The following HUWE1 variants were observed in gnomAD, a reference collection of about 807,000 sequenced individuals.
HUWE1 encodes E3 ubiquitin-protein ligase HUWE1.
HUWE1 carries 18 observed loss-of-function variants against 299.4 expected under a neutral mutation model. The observed-to-expected ratio is 0.06, with a 90% confidence interval of 0.04 to 0.09. HUWE1 has a LOEUF of 0.09. Ranked by LOEUF, HUWE1 falls within the 10% of genes least tolerant of loss-of-function variation. The pLI, the probability that HUWE1 is intolerant of heterozygous loss-of-function variation, is 1.00. For missense variants in HUWE1, 1,832 were observed against 3,462.3 expected (o/e 0.53, Z 11.82); for synonymous variants, 1,317 against 1,286.1 (o/e 1.02, Z -0.51).
rs2062461367 is a variant in HUWE1, at chrX:53,565,076, G to C, written c.6871C>G (p.Gln2291Glu). 8.3e-7 allele frequency: 1 copy of C among 1,210,959 alleles called. No individual in the cohort carries two copies. The highest frequency in any genetic ancestry group is 1.1e-6 in the Non-Finnish European group (1 of 894,743). Reference protein sequence around the residue: ...GASQDSSSNQQDPGEPGEAEV... With the variant: ...GASQDSSSNQEDPGEPGEAEV... ...GGCTCTGATTCCCTACCTGGGTCCT[G>C]CTGGTTGCTACTGGAATCTTGAGAG... Residue 2291 changes from glutamine (Q) to glutamate (E), a missense_variant, in exon 50 of 84, where the codon CAG becomes GAG. Physicochemically the swap from Gln to Glu is conservative, Grantham distance 29. Transcript: ENST00000262854.
intron 7 of HUWE1, among the ~76,000 whole-genome samples, chrX:53,638,921 T>G (rs1271112153): frequency 8.9e-6 from 1 of 111,820 alleles, no homozygotes; most frequent in African/African-American, 3.2e-5. Context: ...TTAGCCCACA[T>G]CACTGGGTTG....
At position 53,685,411 on chromosome X, in the gene HUWE1, G is replaced by T. The variant is rs187695153; in HGVS notation, c.-163+859C>A. On this transcript the variant is annotated intron_variant, in intron 2 of 83. Coordinates refer to ENST00000262854, the MANE Select transcript of HUWE1 (RefSeq NM_031407.7). Reference sequence around the variant, plus strand: ...ATGCAGATGTTCTTTTATGGTATTCGTCAATAAAGTTTTATAGTTTACTTC... The same window carrying T: ...ATGCAGATGTTCTTTTATGGTATTCTTCAATAAAGTTTTATAGTTTACTTC... Among the ~76,000 whole-genome samples the T allele has an allele frequency of 3.2e-4, 36 of 111,697 alleles. No individual in the cohort carries two copies. The East Asian group carries it at 9.5e-3, about 29-fold the overall frequency.
chrX:53,627,413 C>G lies in HUWE1; in HGVS notation c.1486G>C (p.Asp496His). ...TGACTTAATAACTGTTAATTACCAT[C>G]CATATCAGTTTCCATTTCCTCTCCT... ...QEGEEMETDM[D>H]GVQCIPQRAA... Residue 496 changes from aspartate to histidine, a missense_variant, in exon 17 of 84, where the codon GAT (aspartate) becomes CAT (histidine). Physicochemically the swap from Asp to His is moderately conservative, Grantham distance 81 (BLOSUM62 -1). Coordinates refer to ENST00000262854, the MANE Select transcript of HUWE1 (RefSeq NM_031407.7). 1 of 1,095,070 alleles carries G rather than the reference C, an allele frequency of 9.1e-7. No individual in the cohort carries two copies. The highest frequency in any genetic ancestry group is 1.3e-6 in the Non-Finnish European group (1 of 789,898). 90.2% of individuals were successfully genotyped at this position (1,095,070 alleles called of 1,213,427 possible). A position where few individuals can be genotyped will look rare whatever the true frequency, so the allele number is the denominator to read the frequency against.
At chrX:53,627,353 G>A in intron 17 of HUWE1, 57 bp downstream of exon 17, 1 of 694,012 alleles carries the variant, frequency 1.4e-6, no homozygotes, top group Non-Finnish European at 2.3e-6. Flanking sequence ...TGAAAACTGG[G>A]GTGGGATGAC....
At chrX:53,642,541 A>G (rs368997811) in intron 7 of HUWE1, among the ~76,000 whole-genome samples, 101 of 111,929 alleles carry the variant, frequency 9.0e-4, no homozygotes, top group Non-Finnish European at 1.5e-3. Flanking sequence ...TCTGACAGAG[A>G]TCACGTTTAT....
intron 17 of HUWE1, chrX:53,626,143 G>A (rs1267633082): frequency 6.6e-6 from 2 of 303,233 alleles, no homozygotes; most frequent in Non-Finnish European, 1.2e-5. Context: ...ATATAAAAAT[G>A]AAGATCAGGA....
chrX:53,629,063 T>G (rs1331056447), intron 13 of HUWE1, among the ~76,000 whole-genome samples, 161 bp from the exon 14 acceptor site: 1 of 111,580 alleles, frequency 9.0e-6, no homozygotes, highest in African/African-American at 3.3e-5. Context: ...ATCTAGTATT[T>G]GTTAGTTTTG....
chrX:53,674,710 C>T (rs1183535359), intron 3 of HUWE1, among the ~76,000 whole-genome samples: 1 of 111,836 alleles, frequency 8.9e-6, no homozygotes, highest in Non-Finnish European at 1.9e-5. Context: ...TATTACCATA[C>T]TGACCCTTTT....
In HUWE1 at chrX:53,549,130, T is replaced by C. The variant is rs1556926120; in HGVS notation, c.9864A>G (p.Val3288=). 4 of 1,210,544 alleles carry C rather than the reference T, an allele frequency of 3.3e-6. No homozygotes were observed. Among genetic ancestry groups the C allele is most frequent in the East Asian group, 3.0e-5 (1 of 33,794 alleles). The change falls in exon 67 of 84, where the codon GTA becomes GTG. Residue 3288 remains valine (V), a synonymous_variant. Coordinates refer to ENST00000262854, the MANE Select transcript of HUWE1 (RefSeq NM_031407.7). The part of the protein sequence containing the change: ...KSSNQLSWLS[V]SMDAALGCRT... ...TGCAGCCTAGGGCTGCATCCATGGA[T>C]ACTGAGAGCCAGGAAAGCTGGTTGG...
intron 3 of HUWE1, among the ~76,000 whole-genome samples, chrX:53,654,702 T>C (rs2068665158): frequency 8.9e-6 from 1 of 112,389 alleles, no homozygotes; most frequent in South Asian, 3.6e-4. Flanking sequence ...TTGCAAACTA[T>C]GTAATACACA....
At chrX:53,597,877 C>T (rs1399607777) in intron 29 of HUWE1, among the ~76,000 whole-genome samples, 1 of 109,187 alleles carries the variant, frequency 9.2e-6, no homozygotes, top group Non-Finnish European at 1.9e-5. Flanking sequence ...AGGATTACAC[C>T]ACTGAAGATG....
chrX:53,540,382 G>A (rs937458022), intron 74 of HUWE1, among the ~76,000 whole-genome samples: 1 of 109,043 alleles, frequency 9.2e-6, no homozygotes, highest in Non-Finnish European at 1.9e-5. Flanking sequence ...AGGCTGCAGT[G>A]CAGTGGTGCG....
In HUWE1 at chrX:53,540,871, C is replaced by A. The variant is rs782007037; in HGVS notation, c.11477-1059G>T. Among the ~76,000 whole-genome samples the A allele has an allele frequency of 2.7e-5, 3 of 111,880 alleles. No individual in the cohort carries two copies. The South Asian group carries it at 1.1e-3, about 43-fold the overall frequency. The stretch of plus-strand genomic sequence containing the variant: ...GGCCCTGCTTAGGTTTCTTCCTGAC[C>A]TTTGCTGTTCATCCTTTACCCAAAT... On this transcript the variant is annotated intron_variant, in intron 74 of 83. Coordinates refer to ENST00000262854, the MANE Select transcript of HUWE1 (RefSeq NM_031407.7).
chrX:53,630,379 T>C (rs1032809434), intron 12 of HUWE1, among the ~76,000 whole-genome samples: 5 of 111,861 alleles, frequency 4.5e-5, no homozygotes, highest in Non-Finnish European at 9.4e-5. Context: ...TCATTTAATC[T>C]TTAGACCAGC....
intron 81 of HUWE1, 46 bp from the exon 82 acceptor site, chrX:53,534,743 C>A: frequency 8.9e-7 from 1 of 1,119,849 alleles, no homozygotes; most frequent in Non-Finnish European, 1.2e-6. Context: ...ACTCACACAA[C>A]CGTAGAGGTC....
Position 53,557,316 on chromosome X carries a change from C to T in HUWE1, c.8206+66G>A, listed in dbSNP as rs782652107. The T allele has an allele frequency of 1.4e-5, 14 of 995,067 alleles. No homozygotes were observed. In the South Asian group the frequency reaches 2.1e-4, roughly 15 times the overall value. The allele number at this position is 995,067 out of a possible 1,213,427, so 82.0% of individuals were successfully genotyped here. On this transcript the variant is annotated intron_variant, in intron 60 of 83. Transcript: ENST00000262854. ...CTTCAGCCTATGTGGGCCAGCTACT[C>T]GGAACTATCAGGATAAAGAAGCAAC...
rs782131184 is a variant in HUWE1, at chrX:53,558,822, G to C, written c.8006-13C>G. On this transcript the variant is annotated splice_polypyrimidine_tract_variant and intron_variant, in intron 58 of 83. Transcript: ENST00000262854. Reference sequence around the variant, plus strand: ...GACACTTTAACCACTGTTTCAAAGAGGCAAAAATCAAAGGCTGCTCTGGTG... The same window carrying C: ...GACACTTTAACCACTGTTTCAAAGACGCAAAAATCAAAGGCTGCTCTGGTG... 2 of 1,211,231 alleles carry C rather than the reference G, an allele frequency of 1.7e-6. No individual in the cohort carries two copies. The highest frequency in any genetic ancestry group is 5.9e-5 in the East Asian group (2 of 33,872).
Position 53,539,884 on chromosome X carries a change from C to T in HUWE1, c.11477-72G>A, listed in dbSNP as rs186101893. The T allele has an allele frequency of 4.0e-6, 4 of 1,002,170 alleles. No homozygotes were observed. In the East Asian group the frequency reaches 9.9e-5, roughly 25 times the overall value. 82.6% of individuals were successfully genotyped at this position (1,002,170 alleles called of 1,213,427 possible). ...TCTGCTTAGATCTTTCTAGACCACA[C>T]GCACCAACTAATATACAGAACAAGT... is the stretch of plus-strand genomic sequence containing the variant. On this transcript the variant is annotated intron_variant, in intron 74 of 83. Coordinates refer to ENST00000262854, the MANE Select transcript of HUWE1 (RefSeq NM_031407.7).
chrX:53,580,565 C>A (rs1410145067), intron 43 of HUWE1, among the ~76,000 whole-genome samples: 1 of 111,862 alleles, frequency 8.9e-6, no homozygotes, highest in Non-Finnish European at 1.9e-5. Context: ...TATGTAAAGC[C>A]TACTGCCCCA....
Sources: gnomAD v4.1 joint callset for allele counts (sites outside exome capture counted in the v4.1 genomes callset) on GRCh38, gnomAD v4.1.1 for gene constraint, MANE v1.5 for transcripts, NCBI Gene and HGNC (gene_info 2026-07-23, HGNC 2026-07-21) for gene names.